EWSR1: variants seen among roughly 807,000 people sequenced by gnomAD.
The protein encoded by EWSR1 is EWS RNA binding protein 1.
A neutral mutation model predicts 92.1 loss-of-function variants in EWSR1; 14 were observed. The observed-to-expected ratio is 0.15, with a 90% CI of 0.10 to 0.24. The LOEUF (loss-of-function observed/expected upper bound fraction) is 0.24, where lower values mean the gene tolerates loss of function less well. Ranked by LOEUF, EWSR1 falls within the 10% of genes least tolerant of loss-of-function variation. The pLI is 1.00. For synonymous variants in EWSR1, 303 were observed against 292.9 expected (o/e 1.03, Z -0.35); for missense variants, 637 against 870.9 (o/e 0.73, Z 3.38).
rs553127976 is a variant in EWSR1, at chr22:29,284,353, A to G, written c.581+1796A>G. Among the ~76,000 whole-genome samples, 11 of 151,484 alleles carry G rather than the reference A, an allele frequency of 7.3e-5. No individual in the cohort carries two copies. In the South Asian group the frequency reaches 2.3e-3, roughly 31 times the overall value. On this transcript the variant is annotated intron_variant, in intron 6 of 16. Transcript: ENST00000397938. ...TGAATTGTGCCCTGAAAGTTTTGCTAGAAGTAGCGGTTCCCTTTTTTGCAC... is the reference window on the plus strand; with the variant it reads ...TGAATTGTGCCCTGAAAGTTTTGCTGGAAGTAGCGGTTCCCTTTTTTGCAC...
At chr22:29,283,366 TC>T (rs1391031699) in intron 6 of EWSR1, among the ~76,000 whole-genome samples, 1 of 152,180 alleles carries the variant, frequency 6.6e-6, no homozygotes, top group African/African-American at 2.4e-5. Context: ...GGCCAAGTTT[TC>T]TTTTTTGAGA....
intron 1 of EWSR1, 33 bp downstream of exon 1, chr22:29,268,382 G>T (rs1602118833): frequency 6.2e-7 from 1 of 1,613,916 alleles, no homozygotes; most frequent in Non-Finnish European, 8.5e-7. Context: ...CGCGCCGGCG[G>T]TAGCCGGAAC....
chr22:29,276,304 A>G (rs9613855), intron 4 of EWSR1: 15,338 of 229,682 alleles, frequency 0.067, 755 homozygotes, highest in South Asian at 0.1. Context: ...CAGATGAACA[A>G]CATGCCAACT....
At chr22:29,281,186 T>C (rs534192352) in intron 5 of EWSR1, among the ~76,000 whole-genome samples, 1 of 152,034 alleles carries the variant, frequency 6.6e-6, no homozygotes, top group East Asian at 1.9e-4. Flanking sequence ...GCCAATTTTT[T>C]GTATTTCTAG....
At chr22:29,272,127 C>T (rs1202858710) in intron 1 of EWSR1, 89 bp from the exon 2 acceptor site, 2 of 1,228,216 alleles carry the variant, frequency 1.6e-6, no homozygotes, top group Non-Finnish European at 2.4e-6. Context: ...TTAAAGAATT[C>T]TTCCTGCCAC....
chr22:29,274,093 CTGTT>C (rs961090411), intron 4 of EWSR1, among the ~76,000 whole-genome samples: 10 of 152,158 alleles, frequency 6.6e-5, no homozygotes, highest in African/African-American at 2.4e-4. Context: ...GAACTTTTAA[CTGTT>C]TGAATAATCT....
At chr22:29,289,631 G>GA (rs555482723) in intron 8 of EWSR1, 500 of 216,156 alleles carry the variant, frequency 2.3e-3, no homozygotes, top group East Asian at 3.1e-3. Flanking sequence ...AACTGGTAAA[G>GA]AAAAAAAAAA....
At chr22:29,292,084 A>G in intron 9 of EWSR1, 53 bp from the exon 10 acceptor site, 6 of 1,525,986 alleles carry the variant, frequency 3.9e-6, no homozygotes, top group Non-Finnish European at 5.5e-6. Context: ...TAAGGTTTGT[A>G]GCTTGCAAGA....
At chr22:29,275,404 T>TAA (rs1253002869) in intron 4 of EWSR1, among the ~76,000 whole-genome samples, 1 of 152,190 alleles carries the variant, frequency 6.6e-6, no homozygotes, top group African/African-American at 2.4e-5. Context: ...ACTGTGGGCC[T>TAA]AAAAAGTACA....
At chr22:29,279,924 T>C (rs2059428459) in intron 5 of EWSR1, among the ~76,000 whole-genome samples, 1 of 152,222 alleles carries the variant, frequency 6.6e-6, no homozygotes. Context: ...TTTTGATAAG[T>C]CATCCTTTTT....
intron 4 of EWSR1, chr22:29,277,451 G>A: frequency 4.5e-6 from 1 of 224,520 alleles, no homozygotes; most frequent in South Asian, 1.8e-4. Context: ...TATTAATCAT[G>A]TGCTCAAGTA....
At position 29,286,911 on chromosome 22, in the gene EWSR1, T is replaced by C. The variant is rs2060091932; in HGVS notation, c.582-12T>C. On this transcript the variant is annotated splice_polypyrimidine_tract_variant and intron_variant, in intron 6 of 16. Coordinates refer to ENST00000397938, the MANE Select transcript of EWSR1 (RefSeq NM_005243.4). The stretch of plus-strand genomic sequence containing the variant: ...AAAAAGCTTTTTTTTTTTTCTCTTC[T>C]CTCTCTTTCAGCTATTCCTCTACAC... The C allele has an allele frequency of 1.9e-6, 3 of 1,594,912 alleles. No homozygotes were observed. The highest frequency in any genetic ancestry group is 2.6e-6 in the Non-Finnish European group (3 of 1,168,134).
At chr22:29,277,367 T>A in intron 4 of EWSR1, 1 of 224,440 alleles carries the variant, frequency 4.5e-6, no homozygotes, top group South Asian at 1.8e-4. Context: ...TGGAGCAATA[T>A]CGAAGTTTAA....
intron 16 of EWSR1, 103 bp from the exon 17 acceptor site, chr22:29,300,016 TCCC>T: frequency 5.2e-6 from 3 of 582,486 alleles, no homozygotes. Context: ...CCTCACCCCT[TCCC>T]ATTCTAACCG....
intron 13 of EWSR1, 135 bp downstream of exon 13, chr22:29,298,084 G>A: frequency 9.5e-7 from 1 of 1,048,788 alleles, no homozygotes; most frequent in African/African-American, 1.6e-5. Flanking sequence ...AGCTAACAAT[G>A]AATGTTTGTT....
chr22:29,285,038 C>T (rs1409739990), intron 6 of EWSR1, among the ~76,000 whole-genome samples: 2 of 150,538 alleles, frequency 1.3e-5, no homozygotes, highest in South Asian at 2.1e-4. Context: ...AGGCTAGTCT[C>T]GAACCCCTGA....
At chr22:29,299,356 C>T in intron 15 of EWSR1, 25 bp downstream of exon 15, 1 of 1,603,130 alleles carries the variant, frequency 6.2e-7, no homozygotes, top group South Asian at 1.1e-5. Flanking sequence ...CATGAGTGTC[C>T]CCTCAGCTTC....
chr22:29,287,934 G>T (rs1420543471), intron 7 of EWSR1, among the ~76,000 whole-genome samples: 4 of 152,104 alleles, frequency 2.6e-5, no homozygotes, highest in Non-Finnish European at 5.9e-5. Context: ...CAGCACTTTG[G>T]GGGAGGCCAA....
At chr22:29,293,983 C>T (rs183314366) in intron 11 of EWSR1, among the ~76,000 whole-genome samples, 1 of 152,054 alleles carries the variant, frequency 6.6e-6, no homozygotes, top group African/African-American at 2.4e-5. Context: ...GTCTCCTTGC[C>T]TCAGCCTCCC....
Sources: allele counts gnomAD v4.1 joint callset (sites outside exome capture counted in the v4.1 genomes callset), GRCh38; gene constraint gnomAD v4.1.1; transcripts MANE v1.5; gene names NCBI Gene and HGNC (gene_info 2026-07-23, HGNC 2026-07-21).